Variants in LAMC2 observed in about 807,000 individuals in gnomAD.
LAMC2 encodes the protein laminin subunit gamma 2.
LAMC2 carries 97 observed loss-of-function variants against 140.2 expected under a neutral mutation model. The observed-to-expected ratio is 0.69, with a 90% confidence interval of 0.59 to 0.82. LAMC2 has a LOEUF of 0.82. Ranked by LOEUF, LAMC2 falls within the 40% of genes least tolerant of loss-of-function variation. The pLI, the probability that LAMC2 is intolerant of heterozygous loss-of-function variation, is 0.00. For missense variants in LAMC2, 1,402 were observed against 1,476.1 expected, an observed-to-expected ratio of 0.95 and a Z score of 0.82; for synonymous variants, 513 against 540.2, an observed-to-expected ratio of 0.95 and a Z score of 0.70.
At chr1:183,254,717 A>T in the LAMC2 span, among the ~76,000 whole-genome samples, 1 of 152,240 alleles carries the variant, frequency 6.6e-6, no homozygotes, top group Non-Finnish European at 1.5e-5. Flanking sequence ...GATTATAGGT[A>T]TGAGCCATCA....
chr1:183,231,407 TA>T (rs1659796585), intron 12 of LAMC2, among the ~76,000 whole-genome samples: 2 of 152,214 alleles, frequency 1.3e-5, no homozygotes, highest in African/African-American at 4.8e-5. Context: ...ACTGGTCAAA[TA>T]AAGTCTCAAA....
chr1:183,188,080 A>T (rs1002180115), intron 1 of LAMC2, among the ~76,000 whole-genome samples: 2 of 152,206 alleles, frequency 1.3e-5, no homozygotes, highest in Non-Finnish European at 2.9e-5. Flanking sequence ...CAGAGCTAGG[A>T]TTCTCACTTC....
downstream of LAMC2, among the ~76,000 whole-genome samples, chr1:183,245,438 G>A (rs866448439): frequency 5.3e-5 from 8 of 152,102 alleles, no homozygotes; most frequent in East Asian, 3.9e-4. Context: ...TATAATTAAC[G>A]ACCAGTGCCC....
the LAMC2 span, among the ~76,000 whole-genome samples, chr1:183,258,724 C>T: frequency 6.6e-6 from 1 of 152,014 alleles, no homozygotes; most frequent in South Asian, 2.1e-4. Flanking sequence ...TTTTGTAGAC[C>T]CTGCACTTGA....
chr1:183,190,129 G>A (rs185653874), intron 1 of LAMC2, among the ~76,000 whole-genome samples: 1 of 152,198 alleles, frequency 6.6e-6, no homozygotes, highest in East Asian at 1.9e-4. Flanking sequence ...TTGGGACTTG[G>A]GCAAGCTACC....
intron 1 of LAMC2, among the ~76,000 whole-genome samples, chr1:183,198,269 G>A (rs1030439368): frequency 6.6e-6 from 1 of 151,456 alleles, no homozygotes; most frequent in African/African-American, 2.4e-5. Flanking sequence ...AGCCACCCCA[G>A]TAGCTGGAAC....
At chr1:183,240,588 GAT>G in intron 22 of LAMC2, 197 bp downstream of exon 22, 3 of 1,436,080 alleles carry the variant, frequency 2.1e-6, no homozygotes, top group Non-Finnish European at 9.1e-7. Flanking sequence ...CCGTTGCTAA[GAT>G]GGGTCACTGA....
intron 1 of LAMC2, among the ~76,000 whole-genome samples, chr1:183,189,374 G>A (rs1432216847): frequency 6.6e-6 from 1 of 152,130 alleles, no homozygotes; most frequent in Non-Finnish European, 1.5e-5. Flanking sequence ...TGGATCACTT[G>A]AGCCCAGGAG....
At chr1:183,255,905 C>A in the LAMC2 span, among the ~76,000 whole-genome samples, 1 of 151,848 alleles carries the variant, frequency 6.6e-6, no homozygotes, top group East Asian at 2.0e-4. Flanking sequence ...CTCAAGTGAT[C>A]CACCTGCCTC....
chr1:183,216,756 AAAATGT>A (rs1659273602), intron 3 of LAMC2, among the ~76,000 whole-genome samples: 1 of 152,010 alleles, frequency 6.6e-6, no homozygotes, highest in Non-Finnish European at 1.5e-5. Context: ...TTCTCCCACT[AAAATGT>A]AAGCCCCCTG....
chr1:183,236,582 G>T lies in LAMC2; in HGVS notation c.2579G>T (p.Gly860Val), dbSNP rs768613031. ...CTGGATTCAGTGTCTCGGCTTCAGG[G>T]AGTCAGTGATCAGTCCTTTCAGGTG... is the stretch of plus-strand genomic sequence containing the variant. ...RLLDSVSRLQ[G>V]VSDQSFQVEE... Residue 860 changes from glycine (G) to valine (V), a missense_variant, in exon 17 of 23, where the codon GGA becomes GTA. This residue lies in a region of LAMC2 where 670 missense variants were observed against 667.2 expected (regional missense o/e 1.00). Transcript: ENST00000264144. 7.4e-6 allele frequency: 12 copies of T among 1,614,160 alleles called. No homozygotes were observed. The East Asian group carries it at 2.7e-4, about 36-fold the overall frequency.
intron 4 of LAMC2, among the ~76,000 whole-genome samples, 165 bp downstream of exon 4, chr1:183,218,653 C>CAA (rs1317553498): frequency 6.6e-6 from 1 of 152,168 alleles, no homozygotes; most frequent in Non-Finnish European, 1.5e-5. Flanking sequence ...ACAACAACAG[C>CAA]AAAAACACAC....
At chr1:183,212,773 A>G (rs1169989919) in intron 2 of LAMC2, among the ~76,000 whole-genome samples, 11 of 152,208 alleles carry the variant, frequency 7.2e-5, no homozygotes, top group Non-Finnish European at 1.6e-4. Flanking sequence ...TGATAATTCA[A>G]CCTGAGGTCT....
chr1:183,202,878 A>G (rs2102186657), intron 1 of LAMC2, among the ~76,000 whole-genome samples: 1 of 152,276 alleles, frequency 6.6e-6, no homozygotes, highest in South Asian at 2.1e-4. Flanking sequence ...ATTGCCTAGA[A>G]CTCAGGGAAG....
rs1458820661 is a variant in LAMC2 at position 183,192,714 on chromosome 1, T to C, written c.79+6283T>C. Among the ~76,000 whole-genome samples the C allele has an allele frequency of 3.3e-5, 5 of 152,318 alleles. 1 individual carries two copies. Among genetic ancestry groups the C allele is most frequent in the Admixed American group, 2.6e-4 (4 of 15,304 alleles). On this transcript the variant is annotated intron_variant, in intron 1 of 22. Transcript: ENST00000264144. ...CTCCTTGGCATATTTCTCATTTTTC[T>C]TTTTTTGAGATGGAGTCTTGTTCTG...
intron 2 of LAMC2, among the ~76,000 whole-genome samples, chr1:183,213,194 A>AGG (rs1659124813): frequency 6.6e-6 from 1 of 152,232 alleles, no homozygotes; most frequent in Non-Finnish European, 1.5e-5. Flanking sequence ...AATACATATA[A>AGG]AGTGCCTAAC....
At chr1:183,256,344 G>A in the LAMC2 span, among the ~76,000 whole-genome samples, 3 of 152,122 alleles carry the variant, frequency 2.0e-5, no homozygotes, top group East Asian at 5.8e-4. Flanking sequence ...AGGAGGCGGA[G>A]GTTGCAGTGA....
intron 1 of LAMC2, among the ~76,000 whole-genome samples, chr1:183,189,803 A>G (rs1049768917): frequency 6.6e-6 from 1 of 152,220 alleles, no homozygotes; most frequent in Non-Finnish European, 1.5e-5. Context: ...AAATGTGTAT[A>G]TACAAAGAAT....
chr1:183,230,172 A>G (rs1302194681), intron 11 of LAMC2, among the ~76,000 whole-genome samples: 1 of 152,160 alleles, frequency 6.6e-6, no homozygotes, highest in Non-Finnish European at 1.5e-5. Context: ...TCTTCACTCA[A>G]CCATCCTTTA....
Sources: allele counts gnomAD v4.1 joint callset (sites outside exome capture counted in the v4.1 genomes callset), GRCh38; gene constraint gnomAD v4.1.1; regional missense constraint gnomAD v4.1.1; transcripts MANE v1.5; gene names NCBI Gene and HGNC (gene_info 2026-07-23, HGNC 2026-07-21).